Variants in RPL18A observed in about 807,000 individuals in gnomAD.
RPL18A encodes ribosomal protein L18a, also known as large ribosomal subunit protein eL20.
For synonymous variants in RPL18A, 122 were observed against 96.9 expected, an observed-to-expected ratio of 1.26 and a Z score of -1.52; for missense variants, 163 against 254.1, an observed-to-expected ratio of 0.64 and a Z score of 2.44.
At chr19:17,860,103 C>G in intron 1 of RPL18A, 129 bp downstream of exon 1, 1 of 804,680 alleles carries the variant, frequency 1.2e-6, no homozygotes. Context: ...CGCGCGCCGC[C>G]TTCTCTTGTT....
Position 17,862,995 on chromosome 19 carries a change from A to G in RPL18A, c.406A>G (p.Lys136Glu). Reference protein sequence around the residue: ...IMKVEEIAASKCRRPAVKQFH... With the variant: ...IMKVEEIAASECRRPAVKQFH... ...GAAGGTGGAGGAGATCGCGGCCAGC[A>G]AGTGCCGCCGGCCGGCTGTCAAGCA... Residue 136 changes from lysine to glutamate, a missense_variant, in exon 4 of 5, where the codon AAG becomes GAG. Transcript: ENST00000222247. The G allele has an allele frequency of 6.2e-7, 1 of 1,612,290 alleles. No individual in the cohort carries two copies.
chr19:17,863,118 G>A, intron 4 of RPL18A, 53 bp from the exon 5 acceptor site: 5 of 1,552,288 alleles, frequency 3.2e-6, no homozygotes, highest in Non-Finnish European at 4.4e-6. Flanking sequence ...GGCCCCACAG[G>A]ATGGGGTGTT....
At chr19:17,861,148 C>G (rs1347925889) in intron 1 of RPL18A, 145 bp from the exon 2 acceptor site, 1 of 664,248 alleles carries the variant, frequency 1.5e-6, no homozygotes, top group Non-Finnish European at 2.6e-6. Context: ...GACCTACAGT[C>G]ACCAAGAATC....
chr19:17,861,658 G>T, intron 2 of RPL18A, 186 bp downstream of exon 2: 1 of 603,596 alleles, frequency 1.7e-6, no homozygotes, highest in Non-Finnish European at 2.9e-6. Flanking sequence ...CAGAGCTTAT[G>T]TGCCATTTCC....
At chr19:17,861,510 AT>A (rs1330815117) in intron 2 of RPL18A, 38 bp downstream of exon 2, 1 of 1,497,098 alleles carries the variant, frequency 6.7e-7, no homozygotes, top group Non-Finnish European at 9.0e-7. Flanking sequence ...TCTGGAGTGG[AT>A]TTGCGCCTCT....
chr19:17,860,082 C>T (rs921767898), intron 1 of RPL18A, 108 bp downstream of exon 1: 16 of 995,362 alleles, frequency 1.6e-5, no homozygotes, highest in Non-Finnish European at 2.2e-5. Context: ...TCTGTTTGGG[C>T]CCCCCTTGGC....
chr19:17,862,096 G>A lies in RPL18A; in HGVS notation c.201G>A (p.Val67=), dbSNP rs1205279567. ...TCCCTGTGGCCTCTCCTTGGCAGGT[G>A]TTTGAGAAGTCCCCCCTGCGGGTGA... The part of the protein sequence containing the change: ...SSGEIVYCGQ[V]FEKSPLRVKN... The change falls in exon 3 of 5, where the codon GTG becomes GTA. Residue 67 remains valine, a splice_region_variant and synonymous_variant. Coordinates refer to ENST00000222247, the MANE Select transcript of RPL18A (RefSeq NM_000980.4). The A allele has an allele frequency of 6.2e-7, 1 of 1,611,924 alleles. No homozygotes were observed. Among genetic ancestry groups the A allele is most frequent in the Non-Finnish European group, 8.5e-7 (1 of 1,179,814 alleles).
chr19:17,860,148 G>A, intron 1 of RPL18A, 174 bp downstream of exon 1: 1 of 576,304 alleles, frequency 1.7e-6, no homozygotes, highest in Non-Finnish European at 2.9e-6. Flanking sequence ...GGAGCCGCGT[G>A]GAGAGAGCGA....
rs776897070 is a variant in RPL18A, at chr19:17,859,974, G to T, written c.18G>T (p.Thr6=). The T allele has an allele frequency of 2.6e-6, 4 of 1,527,614 alleles. No individual in the cohort carries two copies. In the African/African-American group the frequency reaches 5.7e-5, roughly 22 times the overall value. 94.6% of individuals were successfully genotyped at this position (1,527,614 alleles called of 1,614,324 possible). Residue 6 remains threonine, a splice_region_variant and synonymous_variant, in exon 1 of 5, where the codon ACG becomes ACT. Coordinates refer to ENST00000222247, the MANE Select transcript of RPL18A (RefSeq NM_000980.4). ...AGCACGCCATGAAGGCCTCGGGCAC[G>T]GTAAGGCGGGCGCGGCGCGGCAGGG... MKASG[T]LREYKVVGRC...
In RPL18A at chr19:17,859,912, A is replaced by G; in HGVS notation, c.-45A>G. 1 of 1,541,332 alleles carries G rather than the reference A, an allele frequency of 6.5e-7. No homozygotes were observed. The highest frequency in any genetic ancestry group is 8.7e-7 in the Non-Finnish European group (1 of 1,143,696). On this transcript the variant is annotated 5_prime_UTR_variant, in exon 1 of 5. Transcript: ENST00000222247. ...GGCCTGGTGAACGGCTGCGCGACAGAGGACACTTCCTTTTGCGGGTGGCGG... is the reference window on the plus strand; with the variant it reads ...GGCCTGGTGAACGGCTGCGCGACAGGGGACACTTCCTTTTGCGGGTGGCGG...
In RPL18A at chr19:17,859,988, G is replaced by C; in HGVS notation, c.18+14G>C. On this transcript the variant is annotated intron_variant, in intron 1 of 4. Coordinates refer to ENST00000222247, the MANE Select transcript of RPL18A (RefSeq NM_000980.4). ...GCCTCGGGCACGGTAAGGCGGGCGC[G>C]GCGCGGCAGGGGGCCAAGGGATGGG... 2 of 1,517,686 alleles carry C rather than the reference G, an allele frequency of 1.3e-6. No homozygotes were observed. The highest frequency in any genetic ancestry group is 1.8e-6 in the Non-Finnish European group (2 of 1,134,952). 94.0% of individuals were successfully genotyped at this position (1,517,686 alleles called of 1,614,324 possible). A position where few individuals can be genotyped will look rare whatever the true frequency, so the allele number is the denominator to read the frequency against.
At chr19:17,862,361 C>A in intron 3 of RPL18A, 138 bp downstream of exon 3, 1 of 1,085,988 alleles carries the variant, frequency 9.2e-7, no homozygotes, top group East Asian at 2.4e-5. Context: ...AAGGATGCCC[C>A]AGGCCCCAGA....
Position 17,861,331 on chromosome 19 carries a change from C to T in RPL18A, c.57C>T (p.Thr19=), listed in dbSNP as rs2094276900. 1.2e-6 allele frequency: 2 copies of T among 1,613,644 alleles called. No homozygotes were observed. Among genetic ancestry groups the T allele is most frequent in the South Asian group, 2.2e-5 (2 of 91,074 alleles). ...EYKVVGRCLP[T]PKCHTPPLYR... ...AGGTAGTGGGTCGCTGCCTGCCCAC[C>T]CCCAAATGCCACACGCCGCCCCTCT... The change falls in exon 2 of 5, where the codon ACC becomes ACT. Residue 19 remains threonine (T), a synonymous_variant. Coordinates refer to ENST00000222247, the MANE Select transcript of RPL18A (RefSeq NM_000980.4).
At chr19:17,861,168 GC>G (rs1257511904) in intron 1 of RPL18A, 124 bp from the exon 2 acceptor site, 13 of 746,946 alleles carry the variant, frequency 1.7e-5, no homozygotes, top group Non-Finnish European at 2.7e-5. Flanking sequence ...CCACATGGAG[GC>G]CCTAGGGTGG....
chr19:17,861,953 G>T, intron 2 of RPL18A, 141 bp from the exon 3 acceptor site: 1 of 977,788 alleles, frequency 1.0e-6, no homozygotes, highest in Non-Finnish European at 1.5e-6. Context: ...AGGTGGGGCT[G>T]GGAAACTGAG....
chr19:17,862,811 G>C, intron 3 of RPL18A, 107 bp from the exon 4 acceptor site: 1 of 813,888 alleles, frequency 1.2e-6, no homozygotes, highest in South Asian at 1.4e-5. Flanking sequence ...TCAGGCAGTT[G>C]CTGTGACCAA....
chr19:17,859,947 A>G lies in RPL18A; in HGVS notation c.-10A>G, dbSNP rs2094273970. 5 of 1,542,728 alleles carry G rather than the reference A, an allele frequency of 3.2e-6. No individual in the cohort carries two copies. Among genetic ancestry groups the G allele is most frequent in the Admixed American group, 2.0e-5 (1 of 50,398 alleles). ...CTTTTGCGGGTGGCGGCGAACGCGGAGAGCACGCCATGAAGGCCTCGGGCA... is the reference window on the plus strand; with the variant it reads ...CTTTTGCGGGTGGCGGCGAACGCGGGGAGCACGCCATGAAGGCCTCGGGCA... On this transcript the variant is annotated 5_prime_UTR_variant, in exon 1 of 5. Coordinates refer to ENST00000222247, the MANE Select transcript of RPL18A (RefSeq NM_000980.4).
At chr19:17,860,114 G>A (rs956460307) in intron 1 of RPL18A, 140 bp downstream of exon 1, 66 of 704,456 alleles carry the variant, frequency 9.4e-5, no homozygotes, top group Non-Finnish European at 1.4e-4. Context: ...TTCTCTTGTT[G>A]CACCCAACAT....
Position 17,862,985 on chromosome 19 carries a change from C to A in RPL18A, c.396C>A (p.Ile132=). ...TTCAGATCATGAAGGTGGAGGAGAT[C>A]GCGGCCAGCAAGTGCCGCCGGCCGG... ...HSIQIMKVEE[I]AASKCRRPAV... is the part of the protein sequence containing the mutation. The change falls in exon 4 of 5, where the codon ATC becomes ATA. Residue 132 remains isoleucine, a synonymous_variant. Transcript: ENST00000222247. 1.2e-6 allele frequency: 2 copies of A among 1,612,336 alleles called. No individual in the cohort carries two copies. The highest frequency in any genetic ancestry group is 1.3e-5 in the African/African-American group (1 of 75,014).
Sources: allele counts gnomAD v4.1 joint callset, GRCh38; gene constraint gnomAD v4.1.1; transcripts MANE v1.5; gene names NCBI Gene and HGNC (gene_info 2026-07-23, HGNC 2026-07-21).